The following ARHGAP42 variants were observed in gnomAD, a reference collection of about 807,000 sequenced individuals.
ARHGAP42 encodes the protein Rho GTPase activating protein 42, also known as rho GTPase-activating protein 42.
A neutral mutation model predicts 125.0 loss-of-function variants in ARHGAP42; 63 were observed. That is an observed-to-expected ratio of 0.50 (90% CI 0.41 to 0.62). The LOEUF (loss-of-function observed/expected upper bound fraction) is 0.62. Among genes scored for constraint, ARHGAP42 ranks in the 20% least tolerant of loss-of-function variants. ARHGAP42 has a pLI of 0.00. For missense variants in ARHGAP42, 766 were observed against 1,024.2 expected, an observed-to-expected ratio of 0.75 and a Z score of 3.44; for synonymous variants, 339 against 351.0, an observed-to-expected ratio of 0.97 and a Z score of 0.38.
chr11:100,860,677 T>G (rs1817250071), intron 4 of ARHGAP42, among the ~76,000 whole-genome samples: 1 of 152,114 alleles, frequency 6.6e-6, no homozygotes, highest in Non-Finnish European at 1.5e-5. Context: ...GAAACAACCC[T>G]TCCTTATATA....
intron 3 of ARHGAP42, among the ~76,000 whole-genome samples, chr11:100,832,653 G>A (rs978062656): frequency 2.6e-5 from 4 of 152,070 alleles, no homozygotes; most frequent in Non-Finnish European, 4.4e-5. Flanking sequence ...GAACATTGAA[G>A]CTAAACTCTT....
chr11:100,816,361 T>C (rs560058774), intron 3 of ARHGAP42, among the ~76,000 whole-genome samples: 1 of 152,208 alleles, frequency 6.6e-6, no homozygotes, highest in Admixed American at 6.5e-5. Context: ...GTATGACAAC[T>C]TTGGGGTTTA....
intron 12 of ARHGAP42, among the ~76,000 whole-genome samples, chr11:100,953,623 G>A (rs1024543707): frequency 6.6e-6 from 1 of 152,122 alleles, no homozygotes; most frequent in Admixed American, 6.6e-5. Flanking sequence ...ACATGCAAAA[G>A]TCTTCCTACC....
intron 1 of ARHGAP42, among the ~76,000 whole-genome samples, chr11:100,758,896 A>C (rs1862636323): frequency 6.6e-6 from 1 of 152,152 alleles, no homozygotes; most frequent in South Asian, 2.1e-4. Flanking sequence ...CACTCTTAAT[A>C]TTTTTTTAAT....
chr11:100,851,071 G>A (rs540817421), intron 3 of ARHGAP42, among the ~76,000 whole-genome samples: 13 of 151,584 alleles, frequency 8.6e-5, no homozygotes, highest in African/African-American at 1.2e-4. Flanking sequence ...TAGTAGAGAC[G>A]GGGTTTTACC....
At chr11:100,968,212 G>C (rs1468266509) in intron 17 of ARHGAP42, among the ~76,000 whole-genome samples, 1 of 152,160 alleles carries the variant, frequency 6.6e-6, no homozygotes, top group Non-Finnish European at 1.5e-5. Flanking sequence ...ACTGTAGAAA[G>C]CATATAGTTG....
intron 2 of ARHGAP42, among the ~76,000 whole-genome samples, chr11:100,780,353 C>T (rs1400221380): frequency 6.6e-6 from 1 of 152,144 alleles, no homozygotes; most frequent in Non-Finnish European, 1.5e-5. Context: ...GTAATAAATG[C>T]TATGACCTAT....
rs560679962 is a variant in ARHGAP42 at position 100,850,821 on chromosome 11, A to G, written c.313-8733A>G. On this transcript the variant is annotated intron_variant, in intron 3 of 23. Transcript: ENST00000298815. ...CAACATTGGCACAAACTTCTACTCT[A>G]GCACTGGTGACAGTTTTAGCTTCAC... Among the ~76,000 whole-genome samples the G allele has an allele frequency of 3.3e-5, 5 of 151,242 alleles. No homozygotes were observed. The South Asian group carries it at 1.0e-3, about 31-fold the overall frequency.
At chr11:100,696,293 AT>A (rs1243258437) in intron 1 of ARHGAP42, among the ~76,000 whole-genome samples, 1 of 151,984 alleles carries the variant, frequency 6.6e-6, no homozygotes, top group Non-Finnish European at 1.5e-5. Flanking sequence ...ATTATGACAG[AT>A]TTTCAGTTCC....
chr11:100,826,012 CCT>C (rs901638814), intron 3 of ARHGAP42, among the ~76,000 whole-genome samples: 12 of 152,028 alleles, frequency 7.9e-5, no homozygotes, highest in Non-Finnish European at 1.8e-4. Flanking sequence ...GTCCAGGGTT[CCT>C]GAGTCCAAGT....
chr11:100,804,066 C>T lies in ARHGAP42; in HGVS notation c.312+8900C>T, dbSNP rs776252385. On this transcript the variant is annotated intron_variant, in intron 3 of 23. Transcript: ENST00000298815. ...GTCACTGTAGCCTTGGATTCTTAGG[C>T]TCAAGTGATCCTCCTGCCTCAGCCT... is the stretch of plus-strand genomic sequence containing the variant. Among the ~76,000 whole-genome samples the T allele has an allele frequency of 2.8e-4, 42 of 152,242 alleles. No individual in the cohort carries two copies. In the Middle Eastern group the frequency reaches 0.01, roughly 37 times the overall value.
At chr11:100,984,451 C>G (rs1047755278) in intron 22 of ARHGAP42, among the ~76,000 whole-genome samples, 4 of 151,696 alleles carry the variant, frequency 2.6e-5, no homozygotes, top group African/African-American at 7.3e-5. Flanking sequence ...CACTCCTATT[C>G]CCTTCAGAAG....
chr11:100,832,992 A>G (rs1160031185), intron 3 of ARHGAP42, among the ~76,000 whole-genome samples: 2 of 152,228 alleles, frequency 1.3e-5, no homozygotes, highest in Admixed American at 6.5e-5. Context: ...ACAGGCGACT[A>G]GAATGTGGGT....
intron 3 of ARHGAP42, among the ~76,000 whole-genome samples, chr11:100,818,430 A>T (rs1189328952): frequency 6.6e-6 from 1 of 152,272 alleles, no homozygotes; most frequent in African/African-American, 2.4e-5. Context: ...ACTGTTACCC[A>T]AGTTCAGAGG....
intron 16 of ARHGAP42, 58 bp from the exon 17 acceptor site, chr11:100,965,613 A>T: frequency 2.2e-6 from 3 of 1,365,000 alleles, no homozygotes; most frequent in African/African-American, 1.4e-5. Flanking sequence ...ACTAATGTTT[A>T]CATACCCAAT....
In ARHGAP42 at chr11:100,976,168, G is replaced by T; in HGVS notation, c.1967G>T (p.Arg656Met). 2 of 1,551,640 alleles carry T rather than the reference G, an allele frequency of 1.3e-6. No homozygotes were observed. The highest frequency in any genetic ancestry group is 1.7e-6 in the Non-Finnish European group (2 of 1,146,884). The change falls in exon 20 of 24, where the codon AGG (arginine) becomes ATG (methionine). Residue 656 changes from arginine to methionine, a missense_variant. Arg to Met is a moderately conservative substitution (Grantham distance 91). Around this residue, in one of 3 missense-constraint regions of ARHGAP42, gnomAD observed 308 missense variants for 369.7 expected, o/e 0.83. Transcript: ENST00000298815. ...ACAAAGTCAGCTTCCTGCCAGCCCA[G>T]GGAGAAATCTGGAGGGATTCCTTGG... is the stretch of plus-strand genomic sequence containing the variant. ...STTKSASCQPREKSGGIPWIA... is the reference protein window; with the variant it reads ...STTKSASCQPMEKSGGIPWIA...
chr11:100,788,961 A>G (rs558987160), intron 2 of ARHGAP42, among the ~76,000 whole-genome samples: 1 of 152,156 alleles, frequency 6.6e-6, no homozygotes, highest in Non-Finnish European at 1.5e-5. Flanking sequence ...AGATTATTGC[A>G]TGCTTTTGTA....
At chr11:100,844,721 T>C (rs1187056290) in intron 3 of ARHGAP42, among the ~76,000 whole-genome samples, 2 of 152,006 alleles carry the variant, frequency 1.3e-5, no homozygotes, top group Admixed American at 1.3e-4. Flanking sequence ...ATCAGGGAAA[T>C]GCAAATCAAA....
intron 11 of ARHGAP42, among the ~76,000 whole-genome samples, chr11:100,949,511 A>G: frequency 6.6e-6 from 1 of 152,184 alleles, no homozygotes; most frequent in South Asian, 2.1e-4. Flanking sequence ...TTTAGGGAAT[A>G]GTTTGTTAGC....
Sources: allele counts gnomAD v4.1 joint callset (sites outside exome capture counted in the v4.1 genomes callset), GRCh38; gene constraint gnomAD v4.1.1; regional missense constraint gnomAD v4.1.1; transcripts MANE v1.5; gene names NCBI Gene and HGNC (gene_info 2026-07-23, HGNC 2026-07-21).